Variants in FNIP1 observed in about 807,000 individuals in gnomAD.
The protein encoded by FNIP1 is folliculin-interacting protein 1.
In FNIP1, 40 loss-of-function variants were observed where a neutral mutation model predicts 124.5. The ratio of observed to expected loss-of-function variants is 0.32; its 90% confidence interval spans 0.25 to 0.42. The LOEUF is 0.42. Ranked by LOEUF, FNIP1 falls within the 10% of genes least tolerant of loss-of-function variation. FNIP1 has a pLI of 1.00. For missense variants in FNIP1, 1,176 were observed against 1,403.7 expected (o/e 0.84, Z 2.59); for synonymous variants, 472 against 470.6 (o/e 1.00, Z -0.04).
chr5:131,786,621 G>C (rs1038672928), intron 1 of FNIP1, among the ~76,000 whole-genome samples: 2 of 152,162 alleles, frequency 1.3e-5, no homozygotes, highest in African/African-American at 4.8e-5. Context: ...AATCCTCAAT[G>C]CAACAATTTT....
intron 2 of FNIP1, among the ~76,000 whole-genome samples, chr5:131,742,246 T>C (rs1363743449): frequency 1.3e-5 from 2 of 152,198 alleles, no homozygotes; most frequent in East Asian, 3.8e-4. Context: ...GGCGGTTCGC[T>C]TGAGCCCAGA....
intron 6 of FNIP1, among the ~76,000 whole-genome samples, chr5:131,713,501 T>A (rs1237844962): frequency 6.6e-6 from 1 of 152,214 alleles, no homozygotes; most frequent in Admixed American, 6.5e-5. Context: ...TACAACTAAC[T>A]GGTCAACTTC....
intron 1 of FNIP1, among the ~76,000 whole-genome samples, chr5:131,765,126 G>A (rs546320617): frequency 2.2e-4 from 34 of 152,188 alleles, no homozygotes; most frequent in African/African-American, 8.2e-4. Flanking sequence ...GGAGGCTGAG[G>A]TAAGATGATC....
In FNIP1 at chr5:131,706,556, C is replaced by G; in HGVS notation, c.779-10G>C. 6.4e-7 allele frequency: 1 copy of G among 1,558,066 alleles called. No individual in the cohort carries two copies. Among genetic ancestry groups the G allele is most frequent in the Non-Finnish European group, 8.7e-7 (1 of 1,151,964 alleles). On this transcript the variant is annotated splice_polypyrimidine_tract_variant and intron_variant, in intron 8 of 17. Coordinates refer to ENST00000510461, the MANE Select transcript of FNIP1 (RefSeq NM_133372.3). The stretch of plus-strand genomic sequence containing the variant: ...AAGCTGCTGAGAGATGCTGTTAAGT[C>G]AGAAGAACAACAAGTATAAGTCAAT...
Position 131,677,691 on chromosome 5 carries a change from C to A in FNIP1, c.1519+12G>T. Reference sequence around the variant, plus strand: ...GTCTAATACATAGTGTAACAGTTGTCAGATTACATACCCAGTTGTGCCCAA... The same window carrying A: ...GTCTAATACATAGTGTAACAGTTGTAAGATTACATACCCAGTTGTGCCCAA... On this transcript the variant is annotated intron_variant, in intron 13 of 17. Coordinates refer to ENST00000510461, the MANE Select transcript of FNIP1 (RefSeq NM_133372.3). 6.2e-7 allele frequency: 1 copy of A among 1,607,708 alleles called. No homozygotes were observed. Among genetic ancestry groups the A allele is most frequent in the South Asian group, 1.1e-5 (1 of 90,586 alleles).
chr5:131,651,099 CAG>C (rs910869895), intron 16 of FNIP1, among the ~76,000 whole-genome samples: 1 of 150,320 alleles, frequency 6.7e-6, no homozygotes, highest in Non-Finnish European at 1.5e-5. Context: ...AAAAAAAAAA[CAG>C]ATATATAGCT....
At chr5:131,774,380 T>C (rs1228939438) in intron 1 of FNIP1, among the ~76,000 whole-genome samples, 1 of 152,194 alleles carries the variant, frequency 6.6e-6, no homozygotes, top group Non-Finnish European at 1.5e-5. Flanking sequence ...CCAAATAGTG[T>C]AAAGGCAGTA....
intron 3 of FNIP1, among the ~76,000 whole-genome samples, chr5:131,728,063 C>T (rs1257905331): frequency 2.0e-5 from 3 of 152,216 alleles, no homozygotes; most frequent in Non-Finnish European, 4.4e-5. Context: ...GTCTGATGGA[C>T]TTTCCTTTGT....
chr5:131,760,313 T>C (rs1771184600), intron 1 of FNIP1, among the ~76,000 whole-genome samples: 1 of 152,250 alleles, frequency 6.6e-6, no homozygotes, highest in South Asian at 2.1e-4. Flanking sequence ...GAAAAAAAAG[T>C]ATTGAGAAAT....
At chr5:131,716,500 C>A in intron 6 of FNIP1, 65 bp downstream of exon 6, 1 of 1,096,400 alleles carries the variant, frequency 9.1e-7, no homozygotes, top group Non-Finnish European at 1.3e-6. Flanking sequence ...TAAGGAATAA[C>A]TTCAAAAAAC....
chr5:131,747,156 T>A (rs1770711688), intron 1 of FNIP1, among the ~76,000 whole-genome samples: 1 of 152,214 alleles, frequency 6.6e-6, no homozygotes, highest in Non-Finnish European at 1.5e-5. Flanking sequence ...AAATTCCTTA[T>A]AGATTCTGTA....
chr5:131,645,861 GTACAA>G (rs1766865650), intron 17 of FNIP1, among the ~76,000 whole-genome samples: 2 of 152,138 alleles, frequency 1.3e-5, no homozygotes, highest in Non-Finnish European at 2.9e-5. Flanking sequence ...AAGGCAAGTT[GTACAA>G]GGACACAAGA....
chr5:131,796,973 G>A lies in FNIP1; in HGVS notation c.-52C>T, dbSNP rs1055040817. On this transcript the variant is annotated 5_prime_UTR_variant, in exon 1 of 18. Transcript: ENST00000510461. ...TCCGCTGGGCGCTTGCTAGGCCCCT[G>A]CTCCTACAGCCGCCCCGCCACCCCC... 8.0e-6 allele frequency: 12 copies of A among 1,491,570 alleles called. No homozygotes were observed. The highest frequency in any genetic ancestry group is 1.4e-5 in the African/African-American group (1 of 70,614). The allele number at this position is 1,491,570 out of a possible 1,614,324, so 92.4% of individuals were successfully genotyped here.
rs535321053 is a variant in FNIP1, at chr5:131,704,498, A to G, written c.915-232T>C. ...CAGATTGGGAACATTTTTTTGTCCA[A>G]TTAGAAGTAACTAAAGAAGTAGATA... is the stretch of plus-strand genomic sequence containing the variant. On this transcript the variant is annotated intron_variant, in intron 9 of 17. Transcript: ENST00000510461. 8.5e-5 allele frequency among the ~76,000 whole-genome samples: 13 copies of G among 152,236 alleles called. No individual in the cohort carries two copies. In the East Asian group the frequency reaches 1.9e-3, roughly 23 times the overall value.
intron 11 of FNIP1, among the ~76,000 whole-genome samples, chr5:131,691,977 C>G (rs1768495044): frequency 6.6e-6 from 1 of 151,830 alleles, no homozygotes; most frequent in African/African-American, 2.4e-5. Context: ...CCTCTCACAA[C>G]TCTCATTCAA....
At chr5:131,756,227 T>C (rs1001202170) in intron 1 of FNIP1, among the ~76,000 whole-genome samples, 4 of 152,004 alleles carry the variant, frequency 2.6e-5, no homozygotes. Flanking sequence ...AGACAGTATA[T>C]AATATTCCAT....
intron 1 of FNIP1, among the ~76,000 whole-genome samples, chr5:131,748,915 C>A (rs1770776107): frequency 1.3e-5 from 2 of 151,872 alleles, no homozygotes; most frequent in South Asian, 4.1e-4. Flanking sequence ...TACAGTGGGA[C>A]AAGATGTGGA....
intron 16 of FNIP1, among the ~76,000 whole-genome samples, chr5:131,651,019 G>C (rs955258233): frequency 2.6e-5 from 4 of 151,896 alleles, no homozygotes; most frequent in Non-Finnish European, 5.9e-5. Context: ...AGAACATACA[G>C]ACATGTACAC....
At chr5:131,710,689 TGA>T in intron 6 of FNIP1, 28 bp from the exon 7 acceptor site, 1 of 1,602,410 alleles carries the variant, frequency 6.2e-7, no homozygotes, top group South Asian at 1.1e-5. Context: ...AAAATACACA[TGA>T]AAGAGGACTG....
Sources: allele counts gnomAD v4.1 joint callset (sites outside exome capture counted in the v4.1 genomes callset), GRCh38; gene constraint gnomAD v4.1.1; transcripts MANE v1.5; gene names NCBI Gene and HGNC (gene_info 2026-07-23, HGNC 2026-07-21).